Variants in TRABD2B observed in about 807,000 individuals in gnomAD.
The protein encoded by TRABD2B is metalloprotease TIKI2.
A neutral mutation model predicts 40.1 loss-of-function variants in TRABD2B; 14 were observed. That is an observed-to-expected ratio of 0.35 (90% confidence interval 0.23 to 0.55). The LOEUF (loss-of-function observed/expected upper bound fraction) is 0.55. Among genes scored for constraint, TRABD2B ranks in the 20% least tolerant of loss-of-function variants. The pLI, the probability that TRABD2B is intolerant of heterozygous loss-of-function variation, is 0.90. For synonymous variants in TRABD2B, 263 were observed against 277.0 expected, an observed-to-expected ratio of 0.95 and a Z score of 0.50; for missense variants, 541 against 648.6, an observed-to-expected ratio of 0.83 and a Z score of 1.80.
Position 47,778,599 on chromosome 1 carries a change from G to A in TRABD2B, c.989-55C>T, listed in dbSNP as rs1157722122. ...CCACATGCCAGGCCACCGGCCACAG[G>A]GGACTGCCCCAGGCCATCCCCTAAG... On this transcript the variant is annotated intron_variant, in intron 4 of 6. Transcript: ENST00000606738. 3.7e-6 allele frequency: 5 copies of A among 1,337,124 alleles called. No homozygotes were observed. In the East Asian group the frequency reaches 1.0e-4, roughly 27 times the overall value. 82.8% of individuals were successfully genotyped at this position (1,337,124 alleles called of 1,614,324 possible).
intron 2 of TRABD2B, among the ~76,000 whole-genome samples, chr1:47,872,017 A>G (rs1644148814): frequency 6.6e-6 from 1 of 152,162 alleles, no homozygotes. Flanking sequence ...ACAAGAGTCT[A>G]TTAATGAGCC....
At chr1:47,793,513 C>T (rs756270231) in intron 4 of TRABD2B, among the ~76,000 whole-genome samples, 1 of 152,230 alleles carries the variant, frequency 6.6e-6, no homozygotes, top group Non-Finnish European at 1.5e-5. Flanking sequence ...GTGGGTTAGA[C>T]TGACTGCTCG....
chr1:47,938,803 G>A (rs1424007054), intron 2 of TRABD2B, among the ~76,000 whole-genome samples: 1 of 152,184 alleles, frequency 6.6e-6, no homozygotes, highest in African/African-American at 2.4e-5. Context: ...GAAGGTCTTG[G>A]CTGAGAACCA....
intron 2 of TRABD2B, among the ~76,000 whole-genome samples, chr1:47,837,920 T>C (rs1645341419): frequency 1.3e-5 from 2 of 152,148 alleles, no homozygotes; most frequent in Non-Finnish European, 2.9e-5. Flanking sequence ...ATAGGTTAAA[T>C]TATGTGCTCA....
At chr1:47,946,083 G>C (rs1166548565) in intron 2 of TRABD2B, among the ~76,000 whole-genome samples, 1 of 152,098 alleles carries the variant, frequency 6.6e-6, no homozygotes, top group African/African-American at 2.4e-5. Flanking sequence ...GTAGCCACTG[G>C]ATTAACTGTA....
At chr1:47,783,430 C>T (rs565137113) in intron 4 of TRABD2B, among the ~76,000 whole-genome samples, 1 of 152,176 alleles carries the variant, frequency 6.6e-6, no homozygotes, top group South Asian at 2.1e-4. Context: ...GGAAGGCTTC[C>T]GAGAGGAGGG....
chr1:47,986,815 A>T (rs1645925302), intron 2 of TRABD2B, among the ~76,000 whole-genome samples: 1 of 152,222 alleles, frequency 6.6e-6, no homozygotes, highest in Non-Finnish European at 1.5e-5. Context: ...ACAGATTTAA[A>T]AGCCTGTGGA....
intron 4 of TRABD2B, among the ~76,000 whole-genome samples, chr1:47,793,830 A>C (rs781088542): frequency 6.6e-6 from 1 of 152,158 alleles, no homozygotes; most frequent in Non-Finnish European, 1.5e-5. Flanking sequence ...AAGGCAAAGG[A>C]ACAGGGAGAG....
chr1:47,838,945 G>A (rs1044413607), intron 2 of TRABD2B, among the ~76,000 whole-genome samples: 9 of 152,200 alleles, frequency 5.9e-5, no homozygotes, highest in Non-Finnish European at 7.3e-5. Flanking sequence ...GCTGGCTTGC[G>A]GCCTGGGCTG....
rs1646107517 is a variant in TRABD2B at position 47,997,256 on chromosome 1, C to G, written c.-467G>C. The G allele has an allele frequency of 1.0e-6, 1 of 978,572 alleles. No homozygotes were observed. The highest frequency in any genetic ancestry group is 1.2e-6 in the Non-Finnish European group (1 of 825,820). 60.6% of individuals were successfully genotyped at this position (978,572 alleles called of 1,614,324 possible). Reference sequence around the variant, plus strand: ...AGTGGGACAAGTGCGGCGGAAGGCGCGGCAGGGGTGGGGGGCGGCTCTGGG... The same window carrying G: ...AGTGGGACAAGTGCGGCGGAAGGCGGGGCAGGGGTGGGGGGCGGCTCTGGG... On this transcript the variant is annotated 5_prime_UTR_variant, in exon 1 of 7. Transcript: ENST00000606738.
intron 2 of TRABD2B, among the ~76,000 whole-genome samples, chr1:47,914,297 A>G (rs999045727): frequency 6.6e-6 from 1 of 152,254 alleles, no homozygotes; most frequent in African/African-American, 2.4e-5. Flanking sequence ...ACACAAGAGT[A>G]GCAGGAAGAG....
intron 2 of TRABD2B, among the ~76,000 whole-genome samples, chr1:47,840,672 GC>G (rs1055331800): frequency 6.6e-6 from 1 of 152,050 alleles, no homozygotes; most frequent in Non-Finnish European, 1.5e-5. Context: ...TTGGAATCAG[GC>G]CCCCCCAGGT....
At chr1:47,893,571 C>G (rs1385896564) in intron 2 of TRABD2B, among the ~76,000 whole-genome samples, 2 of 152,200 alleles carry the variant, frequency 1.3e-5, no homozygotes, top group African/African-American at 4.8e-5. Flanking sequence ...CTTAGCGCAC[C>G]TTGCCTCACA....
Position 47,820,670 on chromosome 1 carries a change from TC to T in TRABD2B, c.667-19052del, listed in dbSNP as rs567584094. Among the ~76,000 whole-genome samples the T allele has an allele frequency of 7.6e-4, 115 of 152,142 alleles. 1 individual carries two copies. Among genetic ancestry groups the T allele is most frequent in the Admixed American group, 7.5e-3 (114 of 15,290 alleles). ...CTTCCAGCACCCTGTGTCCTGTGAC[TC>T]AAGGGCCCACTTTCCCCTGTTGGTC... On this transcript the variant is annotated intron_variant, in intron 2 of 6. Coordinates refer to ENST00000606738, the MANE Select transcript of TRABD2B (RefSeq NM_001194986.2).
At chr1:47,977,216 G>A (rs1284941065) in intron 2 of TRABD2B, among the ~76,000 whole-genome samples, 1 of 152,072 alleles carries the variant, frequency 6.6e-6, no homozygotes, top group African/African-American at 2.4e-5. Flanking sequence ...GGGACCACAG[G>A]TGCATGCCAC....
intron 2 of TRABD2B, among the ~76,000 whole-genome samples, chr1:47,907,466 T>C (rs1644694146): frequency 6.6e-6 from 1 of 152,230 alleles, no homozygotes. Context: ...ACCTTTCATG[T>C]TTCCTGTGTT....
chr1:47,831,644 C>T (rs1301592050), intron 2 of TRABD2B, among the ~76,000 whole-genome samples: 1 of 152,150 alleles, frequency 6.6e-6, no homozygotes, highest in East Asian at 1.9e-4. Context: ...GTCTTAAGGA[C>T]ATTTCCAATT....
chr1:47,899,549 G>C (rs1284030069), intron 2 of TRABD2B, among the ~76,000 whole-genome samples: 2 of 152,234 alleles, frequency 1.3e-5, no homozygotes, highest in African/African-American at 4.8e-5. Flanking sequence ...GTGGCACTCT[G>C]CCCATGAATC....
intron 2 of TRABD2B, among the ~76,000 whole-genome samples, chr1:47,990,772 T>TATAC (rs1645993622): frequency 3.2e-4 from 1 of 3,102 alleles, no homozygotes; most frequent in Non-Finnish European, 7.0e-4. Flanking sequence ...ACGTTGGTTT[T>TATAC]ATATATATAT....
Sources: gnomAD v4.1 joint callset for allele counts (sites outside exome capture counted in the v4.1 genomes callset) on GRCh38, gnomAD v4.1.1 for gene constraint, MANE v1.5 for transcripts, NCBI Gene and HGNC (gene_info 2026-07-23, HGNC 2026-07-21) for gene names.